ABHD13: variants seen among roughly 807,000 people sequenced by gnomAD.
ABHD13 encodes the protein protein ABHD13.
Under a neutral mutation model 25.2 loss-of-function variants are expected in ABHD13, and 7 were observed. The observed-to-expected ratio is 0.28, with a 90% CI of 0.16 to 0.52. The LOEUF (loss-of-function observed/expected upper bound fraction) is 0.52. ABHD13 is among the 20% of genes least tolerant of loss of function. ABHD13 has a pLI of 0.96. For synonymous variants in ABHD13, 133 were observed against 136.1 expected (o/e 0.98, Z 0.16); for missense variants, 302 against 402.7 (o/e 0.75, Z 2.14).
Position 108,230,186 on chromosome 13 carries a change from C to G in ABHD13, c.968C>G (p.Ser323Cys). The change falls in exon 2 of 2, where the codon TCT becomes TGT. Residue 323 changes from serine to cysteine, a missense_variant. By Grantham distance (112) the Ser-to-Cys change is moderately radical. Coordinates refer to ENST00000375898, the MANE Select transcript of ABHD13 (RefSeq NM_032859.3). ...ATCAAAGAAGTCGTAAAGAGCCATT[C>G]TCCTGAAGAAATGGCAAAAACTTCA... ...QFIKEVVKSH[S>C]PEEMAKTSSN... The G allele has an allele frequency of 6.2e-7, 1 of 1,604,492 alleles. No individual in the cohort carries two copies. The highest frequency in any genetic ancestry group is 8.5e-7 in the Non-Finnish European group (1 of 1,175,948).
At chr13:108,222,472 G>A (rs1879589512) in intron 1 of ABHD13, among the ~76,000 whole-genome samples, 2 of 152,006 alleles carry the variant, frequency 1.3e-5, no homozygotes, top group South Asian at 4.1e-4. Context: ...TTTGAAGAAG[G>A]CAAGTCTCTG....
At chr13:108,219,116 G>A (rs546259109) in intron 1 of ABHD13, among the ~76,000 whole-genome samples, 1 of 151,994 alleles carries the variant, frequency 6.6e-6, no homozygotes, top group African/African-American at 2.4e-5. Context: ...AAGTAAAATA[G>A]AATAATTCCA....
intron 1 of ABHD13, among the ~76,000 whole-genome samples, chr13:108,223,795 C>T (rs917154955): frequency 2.0e-5 from 3 of 152,208 alleles, no homozygotes; most frequent in Non-Finnish European, 4.4e-5. Flanking sequence ...GAACCACTGG[C>T]ATAGAAAGAT....
intron 1 of ABHD13, among the ~76,000 whole-genome samples, chr13:108,227,620 CAGTA>C (rs1362467066): frequency 6.6e-6 from 1 of 151,888 alleles, no homozygotes; most frequent in Non-Finnish European, 1.5e-5. Flanking sequence ...GAGCAGAACA[CAGTA>C]AGAAAGTAGT....
In ABHD13 at chr13:108,230,200, G is replaced by A. The variant is rs768141867; in HGVS notation, c.982G>A (p.Ala328Thr). The A allele has an allele frequency of 1.3e-5, 21 of 1,597,670 alleles. No individual in the cohort carries two copies. In the Admixed American group the frequency reaches 2.1e-4, roughly 16 times the overall value. The change falls in exon 2 of 2, where the codon GCA becomes ACA. Residue 328 changes from alanine to threonine, a missense_variant. Transcript: ENST00000375898. ...VVKSHSPEEMAKTSSNVTII is the reference protein window; with the variant it reads ...VVKSHSPEEMTKTSSNVTII Reference sequence around the variant, plus strand: ...AAAGAGCCATTCTCCTGAAGAAATGGCAAAAACTTCATCTAATGTAACAAT... The same window carrying A: ...AAAGAGCCATTCTCCTGAAGAAATGACAAAAACTTCATCTAATGTAACAAT...
At chr13:108,223,015 G>A (rs1201883412) in intron 1 of ABHD13, among the ~76,000 whole-genome samples, 1 of 152,230 alleles carries the variant, frequency 6.6e-6, no homozygotes. Flanking sequence ...TTCCTTAAAG[G>A]TCAGTTATAT....
At chr13:108,228,552 G>A (rs541316251) in intron 1 of ABHD13, among the ~76,000 whole-genome samples, 5 of 151,378 alleles carry the variant, frequency 3.3e-5, no homozygotes, top group African/African-American at 9.7e-5. Context: ...TTAAAACTTC[G>A]AGGTAGAGGG....
chr13:108,230,324 T>G lies in ABHD13; in HGVS notation c.*92T>G. 1 of 1,118,182 alleles carries G rather than the reference T, an allele frequency of 8.9e-7. No homozygotes were observed. The highest frequency in any genetic ancestry group is 1.2e-6 in the Non-Finnish European group (1 of 805,588). 69.3% of individuals were successfully genotyped at this position (1,118,182 alleles called of 1,614,324 possible). On this transcript the variant is annotated 3_prime_UTR_variant, in exon 2 of 2. Transcript: ENST00000375898. Reference sequence around the variant, plus strand: ...GAAGTGTGTTATGTCTGTACCTGTCTGAAGAGTGACATTAAACTTTGAAAG... The same window carrying G: ...GAAGTGTGTTATGTCTGTACCTGTCGGAAGAGTGACATTAAACTTTGAAAG...
intron 1 of ABHD13, among the ~76,000 whole-genome samples, chr13:108,224,295 A>G (rs887172683): frequency 2.0e-5 from 3 of 152,194 alleles, no homozygotes; most frequent in Admixed American, 1.3e-4. Flanking sequence ...GCTACTTGAG[A>G]GCAAGGACTG....
rs1566382331 is a variant in ABHD13, at chr13:108,230,581, C to T, written c.*349C>T. 1 of 175,758 alleles carries T rather than the reference C, an allele frequency of 5.7e-6. No individual in the cohort carries two copies. The highest frequency in any genetic ancestry group is 2.4e-5 in the African/African-American group (1 of 41,720). 10.9% of individuals were successfully genotyped at this position (175,758 alleles called of 1,614,324 possible). ...TGGAAAGAGATATGTAAACAAGAAACCTTTGGGTATTGTTTCTTAAGTAAA... is the reference window on the plus strand; with the variant it reads ...TGGAAAGAGATATGTAAACAAGAAATCTTTGGGTATTGTTTCTTAAGTAAA... On this transcript the variant is annotated 3_prime_UTR_variant, in exon 2 of 2. Coordinates refer to ENST00000375898, the MANE Select transcript of ABHD13 (RefSeq NM_032859.3).
Position 108,229,799 on chromosome 13 carries a change from T to G in ABHD13, c.581T>G (p.Leu194Trp). Reference protein sequence around the residue: ...KTKIFLFGRSLGGAVAIHLAS... With the variant: ...KTKIFLFGRSWGGAVAIHLAS... ...AAAATTTTTCTTTTTGGCCGTTCCTTGGGTGGAGCAGTGGCTATTCATTTG... is the reference window on the plus strand; with the variant it reads ...AAAATTTTTCTTTTTGGCCGTTCCTGGGGTGGAGCAGTGGCTATTCATTTG... Residue 194 changes from leucine (L) to tryptophan (W), a missense_variant, in exon 2 of 2, where the codon TTG becomes TGG. Physicochemically the swap from Leu to Trp is moderately conservative, Grantham distance 61. Transcript: ENST00000375898. The surrounding 1 kb of genome is among the most constrained non-coding windows in gnomAD (Gnocchi z 4.7). 6.2e-7 allele frequency: 1 copy of G among 1,613,368 alleles called. No individual in the cohort carries two copies. Among genetic ancestry groups the G allele is most frequent in the Non-Finnish European group, 8.5e-7 (1 of 1,179,464 alleles).
rs1250493467 is a variant in ABHD13, at chr13:108,218,506, GCAGCAGGAGCT to G, written c.-172_-162del. On this transcript the variant is annotated 5_prime_UTR_variant, in exon 1 of 2. The change abolishes the stop of an existing upstream ORF in the 5' untranslated region. Transcript: ENST00000375898. ...GGGGCCGGAAGTGGGGCCACAGCTC[GCAGCAGGAGCT>G]CCGGGCTAGACCGTGGCGCCGGCAG... 3.3e-5 allele frequency: 5 copies of G among 152,188 alleles called. No individual in the cohort carries two copies. The East Asian group carries it at 9.7e-4, about 29-fold the overall frequency. 9.4% of individuals were successfully genotyped at this position (152,188 alleles called of 1,614,324 possible). A position where few individuals can be genotyped will look rare whatever the true frequency, so the allele number is the denominator to read the frequency against.
intron 1 of ABHD13, among the ~76,000 whole-genome samples, chr13:108,219,800 C>T (rs1235548980): frequency 6.6e-6 from 1 of 152,124 alleles, no homozygotes; most frequent in Non-Finnish European, 1.5e-5. Context: ...GAATGGGTGG[C>T]AGGAGGGAAT....
chr13:108,230,144 C>T lies in ABHD13; in HGVS notation c.926C>T (p.Thr309Ile), dbSNP rs200862222. ...NDTWQCQGYFTALEQFIKEVV... is the reference protein window; with the variant it reads ...NDTWQCQGYFIALEQFIKEVV... ...ACATGGCAGTGCCAAGGCTATTTCA[C>T]TGCACTTGAACAGTTCATCAAAGAA... Residue 309 changes from threonine to isoleucine, a missense_variant, in exon 2 of 2, where the codon ACT becomes ATT. Coordinates refer to ENST00000375898, the MANE Select transcript of ABHD13 (RefSeq NM_032859.3). 67 of 1,612,912 alleles carry T rather than the reference C, an allele frequency of 4.2e-5. No individual in the cohort carries two copies. The highest frequency in any genetic ancestry group is 3.6e-5 in the Non-Finnish European group (43 of 1,179,296).
chr13:108,223,634 A>G lies in ABHD13; in HGVS notation c.-21+4975A>G, dbSNP rs1439146937. Among the ~76,000 whole-genome samples, 5 of 152,236 alleles carry G rather than the reference A, an allele frequency of 3.3e-5. No individual in the cohort carries two copies. In the East Asian group the frequency reaches 7.7e-4, roughly 23 times the overall value. On this transcript the variant is annotated intron_variant, in intron 1 of 1. Coordinates refer to ENST00000375898, the MANE Select transcript of ABHD13 (RefSeq NM_032859.3). The stretch of plus-strand genomic sequence containing the variant: ...CTTGATTCTTACAAAGGCACCAGCA[A>G]TTTTACCCATCATTGCTTATGCATC...
chr13:108,229,147 TA>T lies in ABHD13; in HGVS notation c.-20-48del. 3 of 1,385,386 alleles carry T rather than the reference TA, an allele frequency of 2.2e-6. No homozygotes were observed. The highest frequency in any genetic ancestry group is 4.7e-5 in the East Asian group (2 of 42,552). 85.8% of individuals were successfully genotyped at this position (1,385,386 alleles called of 1,614,324 possible). A position where few individuals can be genotyped will look rare whatever the true frequency, so the allele number is the denominator to read the frequency against. The stretch of plus-strand genomic sequence containing the variant: ...CATAGTTTATTATATTGTGGATTTT[TA>T]AAAGAATAGATAGACGTTGAATTAT... On this transcript the variant is annotated intron_variant, in intron 1 of 1. Coordinates refer to ENST00000375898, the MANE Select transcript of ABHD13 (RefSeq NM_032859.3). The surrounding 1 kb of genome is among the most constrained non-coding windows in gnomAD (Gnocchi z 4.7).
At chr13:108,225,104 C>G (rs570409657) in intron 1 of ABHD13, among the ~76,000 whole-genome samples, 1 of 152,062 alleles carries the variant, frequency 6.6e-6, no homozygotes, top group East Asian at 1.9e-4. Context: ...AACTGTAATA[C>G]TTAAATCTTA....
Position 108,223,109 on chromosome 13 carries a change from C to T in ABHD13, c.-21+4450C>T, listed in dbSNP as rs545624151. Among the ~76,000 whole-genome samples the T allele has an allele frequency of 1.2e-4, 18 of 152,274 alleles. No individual in the cohort carries two copies. The East Asian group carries it at 2.3e-3, about 20-fold the overall frequency. Reference sequence around the variant, plus strand: ...TGGTTTGTAGTGAATTTTTTACTCACGTTTGCTTGATTTTGTGACACCATT... The same window carrying T: ...TGGTTTGTAGTGAATTTTTTACTCATGTTTGCTTGATTTTGTGACACCATT... On this transcript the variant is annotated intron_variant, in intron 1 of 1. Coordinates refer to ENST00000375898, the MANE Select transcript of ABHD13 (RefSeq NM_032859.3).
intron 1 of ABHD13, among the ~76,000 whole-genome samples, chr13:108,219,210 C>T (rs930087894): frequency 3.3e-5 from 5 of 152,072 alleles, no homozygotes; most frequent in Admixed American, 2.0e-4. Context: ...ACAGGAAGTT[C>T]TGGGGTTATT....
Sources: gnomAD v4.1 joint callset for allele counts (sites outside exome capture counted in the v4.1 genomes callset) on GRCh38, gnomAD v4.1.1 for gene constraint, Gnocchi (gnomAD v3.1) non-coding constraint, MANE v1.5 for transcripts, NCBI Gene and HGNC (gene_info 2026-07-23, HGNC 2026-07-21) for gene names.